ARSB: variants seen among roughly 807,000 people sequenced by gnomAD.
ARSB encodes N-acetylgalactosamine-4-sulfatase.
ARSB carries 41 observed loss-of-function variants against 50.9 expected under a neutral mutation model. The observed-to-expected ratio is 0.81, with a 90% confidence interval of 0.63 to 1.04. The LOEUF (loss-of-function observed/expected upper bound fraction) is 1.04, where lower values mean the gene tolerates loss of function less well. Among genes scored for constraint, ARSB ranks in the 50% least tolerant of loss-of-function variants. The probability of loss-of-function intolerance (pLI) is 0.00; values close to 1 mark genes in which losing one functional copy is unlikely to be tolerated. For synonymous variants in ARSB, 269 were observed against 284.8 expected (o/e 0.94, Z 0.56); for missense variants, 672 against 693.3 (o/e 0.97, Z 0.35).
chr5:78,900,032 G>A (rs1273534733), intron 4 of ARSB, among the ~76,000 whole-genome samples: 1 of 152,086 alleles, frequency 6.6e-6, no homozygotes, highest in Admixed American at 6.5e-5. Flanking sequence ...ATAAGCCCAG[G>A]TTCACTTTGG....
chr5:78,871,912 A>G (rs537976917), intron 5 of ARSB, among the ~76,000 whole-genome samples: 2 of 149,412 alleles, frequency 1.3e-5, no homozygotes, highest in East Asian at 3.9e-4. Flanking sequence ...TTCGCAACCT[A>G]CTCATCTGAC....
At chr5:78,942,753 T>G (rs1751000875) in intron 4 of ARSB, among the ~76,000 whole-genome samples, 1 of 152,182 alleles carries the variant, frequency 6.6e-6, no homozygotes, top group Admixed American at 6.5e-5. Context: ...GAATGTATAT[T>G]CTGTTGATTT....
At chr5:78,857,202 G>A (rs1287518211) in intron 5 of ARSB, among the ~76,000 whole-genome samples, 1 of 152,126 alleles carries the variant, frequency 6.6e-6, no homozygotes, top group Non-Finnish European at 1.5e-5. Context: ...CTCCCTTTAT[G>A]AAACACACTG....
chr5:78,895,638 G>A (rs1748530114), intron 4 of ARSB, among the ~76,000 whole-genome samples: 1 of 152,186 alleles, frequency 6.6e-6, no homozygotes, highest in African/African-American at 2.4e-5. Context: ...AATTATTACA[G>A]GCTAAGCAGT....
At chr5:78,844,392 G>A (rs561441170) in intron 5 of ARSB, among the ~76,000 whole-genome samples, 1 of 152,210 alleles carries the variant, frequency 6.6e-6, no homozygotes, top group South Asian at 2.1e-4. Flanking sequence ...GGGGCTACTT[G>A]TCTTTTTATG....
At chr5:78,870,092 C>G (rs373298582) in intron 5 of ARSB, among the ~76,000 whole-genome samples, 2 of 132,512 alleles carry the variant, frequency 1.5e-5, no homozygotes, top group African/African-American at 5.5e-5. Flanking sequence ...TCGACACATA[C>G]ACTCTCCCAA....
intron 3 of ARSB, among the ~76,000 whole-genome samples, chr5:78,960,170 T>C (rs1014423708): frequency 6.6e-6 from 1 of 152,224 alleles, no homozygotes; most frequent in Non-Finnish European, 1.5e-5. Context: ...AAGTATTACA[T>C]AAAAGCAAGA....
chr5:78,963,822 A>C (rs7725928), intron 3 of ARSB, among the ~76,000 whole-genome samples: 40,272 of 151,966 alleles, frequency 0.27, 6,632 homozygotes, highest in African/African-American at 0.47. Context: ...CCAAGCAGAC[A>C]CTTTGGGCAG....
chr5:78,940,870 T>C (rs1309129333), intron 4 of ARSB, among the ~76,000 whole-genome samples: 2 of 152,216 alleles, frequency 1.3e-5, no homozygotes, highest in African/African-American at 4.8e-5. Flanking sequence ...TAAATTACCT[T>C]GGGCAGTATG....
intron 2 of ARSB, among the ~76,000 whole-genome samples, chr5:78,964,927 TA>T (rs1752143647): frequency 1.3e-5 from 2 of 152,148 alleles, no homozygotes; most frequent in African/African-American, 4.8e-5. Flanking sequence ...TATATAATGG[TA>T]AAAATAATGT....
At chr5:78,877,098 T>C (rs1272417138) in intron 5 of ARSB, among the ~76,000 whole-genome samples, 1 of 152,066 alleles carries the variant, frequency 6.6e-6, no homozygotes, top group Non-Finnish European at 1.5e-5. Flanking sequence ...AGTGAACTAC[T>C]CACAACACGG....
Position 78,797,229 on chromosome 5 carries a change from C to T in ARSB, c.1214-15255G>A, listed in dbSNP as rs114902880. 7.0e-3 allele frequency among the ~76,000 whole-genome samples: 1,058 copies of T among 152,118 alleles called. 6 individuals carry two copies. The highest frequency in any genetic ancestry group is 0.024 in the African/African-American group (991 of 41,512). On this transcript the variant is annotated intron_variant, in intron 6 of 7. Transcript: ENST00000264914. ...CGCCTGCCTTGGTCTCCGAAAGTGCCGGGATTACAGGCACGAGCCACTGCG... is the reference window on the plus strand; with the variant it reads ...CGCCTGCCTTGGTCTCCGAAAGTGCTGGGATTACAGGCACGAGCCACTGCG...
chr5:78,982,490 A>G lies in ARSB; in HGVS notation c.312+2447T>C, dbSNP rs113933407. Among the ~76,000 whole-genome samples the G allele has an allele frequency of 2.6e-5, 4 of 152,306 alleles. 1 individual carries two copies. The highest frequency in any genetic ancestry group is 9.6e-5 in the African/African-American group (4 of 41,556). On this transcript the variant is annotated intron_variant, in intron 1 of 7. Coordinates refer to ENST00000264914, the MANE Select transcript of ARSB (RefSeq NM_000046.5). The stretch of plus-strand genomic sequence containing the variant: ...AGTCCTTGGGATGTTATTTTTAATA[A>G]TTTTGAGTAGGCAATATGGCTTAGT...
chr5:78,977,309 A>G (rs989403524), intron 1 of ARSB, among the ~76,000 whole-genome samples: 1 of 152,004 alleles, frequency 6.6e-6, no homozygotes, highest in Non-Finnish European at 1.5e-5. Flanking sequence ...GCGCACCATC[A>G]TACCTGGCTA....
chr5:78,885,422 A>G, intron 5 of ARSB, 162 bp downstream of exon 5: 1 of 997,130 alleles, frequency 1.0e-6, no homozygotes. Context: ...ATTTAAAAAT[A>G]TATATACTTA....
chr5:78,900,908 G>A (rs1401416507), intron 4 of ARSB, among the ~76,000 whole-genome samples: 2 of 151,922 alleles, frequency 1.3e-5, no homozygotes, highest in Admixed American at 6.6e-5. Flanking sequence ...GCATGGTAGC[G>A]GGCGCCTGTA....
intron 6 of ARSB, among the ~76,000 whole-genome samples, chr5:78,786,139 C>T (rs1425770187): frequency 2.0e-5 from 3 of 152,126 alleles, no homozygotes; most frequent in Non-Finnish European, 2.9e-5. Context: ...GCACCATTGG[C>T]AGTTAATCCC....
At chr5:78,871,220 C>T (rs1296152883) in intron 5 of ARSB, among the ~76,000 whole-genome samples, 24 of 151,858 alleles carry the variant, frequency 1.6e-4, no homozygotes, top group African/African-American at 4.6e-4. Flanking sequence ...GAATCAATAT[C>T]GTGAAAATGG....
intron 6 of ARSB, among the ~76,000 whole-genome samples, chr5:78,799,578 T>C (rs1743304377): frequency 6.6e-6 from 1 of 152,218 alleles, no homozygotes; most frequent in Non-Finnish European, 1.5e-5. Context: ...GGCAAAATCC[T>C]ACTTCTGAAC....
Sources: allele counts gnomAD v4.1 joint callset (sites outside exome capture counted in the v4.1 genomes callset), GRCh38; gene constraint gnomAD v4.1.1; transcripts MANE v1.5; gene names NCBI Gene and HGNC (gene_info 2026-07-23, HGNC 2026-07-21).